The following PTPA variants were observed in gnomAD, a reference collection of about 807,000 sequenced individuals.
The protein encoded by PTPA is protein phosphatase 2 phosphatase activator.
Under a neutral mutation model 43.6 loss-of-function variants are expected in PTPA, and 13 were observed. The observed-to-expected ratio is 0.30, with a 90% CI of 0.19 to 0.47. PTPA has a LOEUF of 0.47. Ranked by LOEUF, PTPA falls within the 20% of genes least tolerant of loss-of-function variation. PTPA has a pLI of 0.99. For missense variants in PTPA, 329 were observed against 411.9 expected (o/e 0.80, Z 1.74); for synonymous variants, 172 against 158.2 (o/e 1.09, Z -0.66).
intron 9 of PTPA, among the ~76,000 whole-genome samples, chr9:129,145,730 G>A (rs79542983): frequency 2.0e-5 from 3 of 152,160 alleles, no homozygotes; most frequent in South Asian, 2.1e-4. Flanking sequence ...GGGGCGGCGG[G>A]GGGGAGGGTC....
At chr9:129,144,453 G>C (rs1851143754) in intron 9 of PTPA, among the ~76,000 whole-genome samples, 1 of 152,118 alleles carries the variant, frequency 6.6e-6, no homozygotes, top group African/African-American at 2.4e-5. Context: ...AGATCACCAA[G>C]TCAGGCCGGG....
chr9:129,133,585 C>G (rs6478866), intron 5 of PTPA, among the ~76,000 whole-genome samples: 94,098 of 152,162 alleles, frequency 0.62, 31,476 homozygotes, highest in Non-Finnish European at 0.74. Context: ...GGGATTCAAT[C>G]ACAGTCCAGT....
chr9:129,140,991 C>G (rs1038382295), intron 8 of PTPA, among the ~76,000 whole-genome samples: 2 of 151,962 alleles, frequency 1.3e-5, no homozygotes, highest in Non-Finnish European at 2.9e-5. Flanking sequence ...GGCTTTGTCT[C>G]TGTTGGGTGC....
At chr9:129,140,144 C>A (rs1444331255) in intron 8 of PTPA, 1 of 152,422 alleles carries the variant, frequency 6.6e-6, no homozygotes, top group Non-Finnish European at 1.5e-5. Context: ...GGCAGGAACG[C>A]AGCGTCTGTG....
intron 9 of PTPA, among the ~76,000 whole-genome samples, chr9:129,145,656 C>T (rs1851245641): frequency 6.6e-6 from 1 of 152,172 alleles, no homozygotes. Context: ...TTGGGTCTAA[C>T]TCTGCTCTGT....
chr9:129,142,354 G>GTGCA, intron 8 of PTPA, 91 bp from the exon 9 acceptor site: 2 of 1,155,778 alleles, frequency 1.7e-6, no homozygotes, highest in Non-Finnish European at 2.5e-6. Context: ...GTGTGTGTGT[G>GTGCA]TGCATGCATG....
At chr9:129,137,548 C>T (rs1296845519) in intron 7 of PTPA, 44 bp from the exon 8 acceptor site, 9 of 1,511,018 alleles carry the variant, frequency 6.0e-6, no homozygotes, top group Non-Finnish European at 7.2e-6. Context: ...CCCAGGTAGT[C>T]GTGGGGCCTG....
intron 2 of PTPA, among the ~76,000 whole-genome samples, chr9:129,122,561 T>C (rs1239158232): frequency 6.6e-6 from 1 of 152,188 alleles, no homozygotes; most frequent in Admixed American, 6.5e-5. Context: ...CGCTGATTGC[T>C]GGGGGTGAGA....
rs530855883 is a variant in PTPA, at chr9:129,130,190, G to A, written c.342+1080G>A. ...CTCAGACCCTGTCTAGAAAAGCAGA[G>A]TCTACAGGTCTGGGTAGGGACTGGG... On this transcript the variant is annotated intron_variant, in intron 4 of 9. Coordinates refer to ENST00000393370, the MANE Select transcript of PTPA (RefSeq NM_178000.3). Among the ~76,000 whole-genome samples, 7 of 152,288 alleles carry A rather than the reference G, an allele frequency of 4.6e-5. No homozygotes were observed. The South Asian group carries it at 1.4e-3, about 32-fold the overall frequency.
chr9:129,143,002 G>A, intron 9 of PTPA: 2 of 1,220,476 alleles, frequency 1.6e-6, no homozygotes, highest in Non-Finnish European at 2.2e-6. Context: ...TGAGTGGTGG[G>A]AGGTCTGAGG....
At chr9:129,126,778 A>C (rs1026528311) in intron 3 of PTPA, among the ~76,000 whole-genome samples, 3 of 152,066 alleles carry the variant, frequency 2.0e-5, no homozygotes, top group Admixed American at 6.6e-5. Flanking sequence ...TTCTCTCCCA[A>C]CACAGCAAAC....
At chr9:129,143,357 C>T (rs1441029302) in intron 9 of PTPA, 2 of 702,962 alleles carry the variant, frequency 2.8e-6, no homozygotes, top group Admixed American at 2.0e-5. Flanking sequence ...CCTTAAAGTC[C>T]CTTCTTTCTG....
intron 9 of PTPA, 84 bp from the exon 10 acceptor site, chr9:129,147,303 C>T (rs1851368840): frequency 7.1e-7 from 1 of 1,406,438 alleles, no homozygotes; most frequent in Non-Finnish European, 1.0e-6. Flanking sequence ...GGGATGGACA[C>T]CTGGGAGCTG....
At chr9:129,113,925 G>C (rs1848705831) in intron 1 of PTPA, among the ~76,000 whole-genome samples, 1 of 152,190 alleles carries the variant, frequency 6.6e-6, no homozygotes, top group Non-Finnish European at 1.5e-5. Flanking sequence ...AAAGAGAGCT[G>C]TGCTCAGGGA....
chr9:129,130,172 C>T (rs1849862843), intron 4 of PTPA, among the ~76,000 whole-genome samples: 1 of 152,054 alleles, frequency 6.6e-6, no homozygotes, highest in Non-Finnish European at 1.5e-5. Context: ...GATCTCAGAC[C>T]CTGTCTAGAA....
Position 129,147,503 on chromosome 9 carries a change from T to C in PTPA, c.*39T>C, listed in dbSNP as rs1291952318. The C allele has an allele frequency of 3.2e-6, 5 of 1,585,948 alleles. No individual in the cohort carries two copies. Among genetic ancestry groups the C allele is most frequent in the Admixed American group, 1.7e-5 (1 of 59,928 alleles). ...GAAGAGCCACCCAGGCCACAGTTCC[T>C]GTGCCTGCCTTCCCCACCCCAGCAG... On this transcript the variant is annotated 3_prime_UTR_variant, in exon 10 of 10. Transcript: ENST00000393370.
chr9:129,110,969 G>A (rs759602289), upstream of PTPA: 4 of 1,370,876 alleles, frequency 2.9e-6, no homozygotes, highest in Admixed American at 3.8e-5. This position sits in a 1 kb window ranked among gnomAD's most constrained non-coding sequence, Gnocchi z 5.3. Context: ...TGTGGAGGAG[G>A]AAGGAGGAGG....
intron 6 of PTPA, among the ~76,000 whole-genome samples, chr9:129,135,100 G>A (rs1038051766): frequency 1.3e-5 from 2 of 152,154 alleles, no homozygotes; most frequent in African/African-American, 4.8e-5. Flanking sequence ...GCAAGTGAAA[G>A]AATTGTCACA....
At chr9:129,125,756 A>G (rs991792429) in intron 3 of PTPA, among the ~76,000 whole-genome samples, 2 of 152,214 alleles carry the variant, frequency 1.3e-5, no homozygotes, top group Admixed American at 6.5e-5. Flanking sequence ...TCTTTTGCAT[A>G]GCGCCTAACA....
Sources: gnomAD v4.1 joint callset for allele counts (sites outside exome capture counted in the v4.1 genomes callset) on GRCh38, gnomAD v4.1.1 for gene constraint, Gnocchi (gnomAD v3.1) non-coding constraint, MANE v1.5 for transcripts, NCBI Gene and HGNC (gene_info 2026-07-23, HGNC 2026-07-21) for gene names.